The following RABGAP1L variants were observed in gnomAD, a reference collection of about 807,000 sequenced individuals.
RABGAP1L encodes RAB GTPase activating protein 1 like.
Under a neutral mutation model 137.7 loss-of-function variants are expected in RABGAP1L, and 63 were observed. That is an observed-to-expected ratio of 0.46 (90% CI 0.37 to 0.56). The LOEUF (loss-of-function observed/expected upper bound fraction) is 0.56, where lower values mean the gene tolerates loss of function less well. Among genes scored for constraint, RABGAP1L ranks in the 20% least tolerant of loss-of-function variants. The pLI, the probability that RABGAP1L is intolerant of heterozygous loss-of-function variation, is 0.00. For missense variants in RABGAP1L, 1,095 were observed against 1,244.0 expected (o/e 0.88, Z 1.80); for synonymous variants, 431 against 433.7 (o/e 0.99, Z 0.08).
intron 7 of RABGAP1L, among the ~76,000 whole-genome samples, chr1:174,267,855 C>G (rs1674202419): frequency 6.6e-6 from 1 of 152,146 alleles, no homozygotes; most frequent in Non-Finnish European, 1.5e-5. Flanking sequence ...TTAAAGGTTA[C>G]TGAAGAATCA....
intron 19 of RABGAP1L, among the ~76,000 whole-genome samples, chr1:174,912,558 T>A (rs890392422): frequency 1.3e-5 from 2 of 152,182 alleles, no homozygotes; most frequent in Non-Finnish European, 2.9e-5. Flanking sequence ...ACAAAGTGAA[T>A]CTGGTAGAGT....
chr1:174,704,278 C>G (rs1322004627), intron 17 of RABGAP1L, among the ~76,000 whole-genome samples: 1 of 152,144 alleles, frequency 6.6e-6, no homozygotes, highest in Non-Finnish European at 1.5e-5. Flanking sequence ...CAGCCAGATT[C>G]CTCTTTCTTA....
intron 17 of RABGAP1L, among the ~76,000 whole-genome samples, chr1:174,720,307 GGT>G (rs1558016540): frequency 2.5e-5 from 3 of 118,240 alleles, no homozygotes; most frequent in Non-Finnish European, 3.9e-5. Flanking sequence ...ACAGATAGTT[GGT>G]TTTTTTTTTT....
intron 14 of RABGAP1L, among the ~76,000 whole-genome samples, chr1:174,672,105 C>T (rs12127972): frequency 0.057 from 8,598 of 151,956 alleles, 327 homozygotes; most frequent in Non-Finnish European, 0.087. Flanking sequence ...TTATCTAATT[C>T]GTTGGCATAT....
At chr1:174,176,728 A>G (rs1380318062) in intron 1 of RABGAP1L, among the ~76,000 whole-genome samples, 1 of 141,016 alleles carries the variant, frequency 7.1e-6, no homozygotes, top group South Asian at 2.3e-4. Context: ...AAAAAAAAAA[A>G]AAAAAAAAAA....
chr1:174,644,456 A>C (rs1674787720), intron 14 of RABGAP1L, among the ~76,000 whole-genome samples: 1 of 152,026 alleles, frequency 6.6e-6, no homozygotes, highest in Non-Finnish European at 1.5e-5. Context: ...TGTGACGCCT[A>C]AGGGTTTGAT....
intron 17 of RABGAP1L, among the ~76,000 whole-genome samples, chr1:174,717,771 A>G (rs1351291953): frequency 6.6e-6 from 1 of 152,214 alleles, no homozygotes; most frequent in South Asian, 2.1e-4. Context: ...GAACCGCATG[A>G]TAACTTTACA....
intron 3 of RABGAP1L, among the ~76,000 whole-genome samples, chr1:174,230,834 T>C (rs1670585296): frequency 6.6e-6 from 1 of 152,176 alleles, no homozygotes; most frequent in Non-Finnish European, 1.5e-5. Context: ...CTCTATCTTT[T>C]TGAGTTTTTT....
intron 13 of RABGAP1L, among the ~76,000 whole-genome samples, chr1:174,619,785 A>G (rs187720093): frequency 1.3e-5 from 2 of 152,352 alleles, no homozygotes; most frequent in African/African-American, 4.8e-5. Flanking sequence ...ATTCACAGAT[A>G]ACAATATTAA....
intron 17 of RABGAP1L, among the ~76,000 whole-genome samples, chr1:174,750,349 C>T (rs895875453): frequency 1.2e-5 from 1 of 83,778 alleles, no homozygotes; most frequent in Non-Finnish European, 2.3e-5. Context: ...CCCTTCCTGT[C>T]GTGATCTGAA....
intron 1 of RABGAP1L, among the ~76,000 whole-genome samples, chr1:174,204,808 G>T (rs1668388857): frequency 6.6e-6 from 1 of 152,086 alleles, no homozygotes; most frequent in Non-Finnish European, 1.5e-5. Flanking sequence ...ACGAGATGTG[G>T]AGTGTAGTAC....
At chr1:174,909,294 G>C (rs536266149) in intron 19 of RABGAP1L, among the ~76,000 whole-genome samples, 9 of 152,092 alleles carry the variant, frequency 5.9e-5, no homozygotes, top group Non-Finnish European at 1.0e-4. Context: ...CATGATCTCA[G>C]CTCACTGCAA....
chr1:174,357,971 A>G (rs1437284463), intron 11 of RABGAP1L, among the ~76,000 whole-genome samples: 1 of 152,222 alleles, frequency 6.6e-6, no homozygotes, highest in African/African-American at 2.4e-5. Context: ...AAGTACTGTT[A>G]TCGTCCCCAT....
At chr1:174,310,621 T>A (rs1186714564) in intron 11 of RABGAP1L, among the ~76,000 whole-genome samples, 1 of 152,240 alleles carries the variant, frequency 6.6e-6, no homozygotes, top group African/African-American at 2.4e-5. Flanking sequence ...TACTTTGATG[T>A]TGAGTGCATA....
At chr1:174,254,373 A>G (rs1672946629) in intron 7 of RABGAP1L, among the ~76,000 whole-genome samples, 1 of 152,150 alleles carries the variant, frequency 6.6e-6, no homozygotes, top group African/African-American at 2.4e-5. Context: ...CAGAACATGC[A>G]GGTTTGTTAC....
At chr1:174,164,849 T>A (rs1023371519) in intron 1 of RABGAP1L, among the ~76,000 whole-genome samples, 1 of 152,248 alleles carries the variant, frequency 6.6e-6, no homozygotes, top group Admixed American at 6.5e-5. Flanking sequence ...CTCTTAACTT[T>A]GTAAGTGAAG....
chr1:174,479,104 G>A (rs529557450), intron 13 of RABGAP1L, among the ~76,000 whole-genome samples: 1 of 152,328 alleles, frequency 6.6e-6, no homozygotes, highest in East Asian at 1.9e-4. Context: ...AGGCTTTAAT[G>A]CAAATACCAA....
In RABGAP1L at chr1:174,343,021, G is replaced by T. The variant is rs1682114875; in HGVS notation, c.1466-27958G>T. On this transcript the variant is annotated intron_variant, in intron 11 of 25. Transcript: ENST00000681986. ...CCCAAAGTGCTGGGATTACAGGCAT[G>T]AGCCACTGCACCTAGCCAGAAATTT... 2.6e-5 allele frequency among the ~76,000 whole-genome samples: 4 copies of T among 152,236 alleles called. No homozygotes were observed. In the South Asian group the frequency reaches 6.2e-4, roughly 24 times the overall value.
chr1:174,457,644 A>G (rs896333755), intron 13 of RABGAP1L, among the ~76,000 whole-genome samples: 11 of 152,026 alleles, frequency 7.2e-5, no homozygotes, highest in Non-Finnish European at 1.3e-4. Flanking sequence ...CTGGGACTAC[A>G]GGTGTGTGCC....
Sources: allele counts gnomAD v4.1 joint callset (sites outside exome capture counted in the v4.1 genomes callset), GRCh38; gene constraint gnomAD v4.1.1; transcripts MANE v1.5; gene names NCBI Gene and HGNC (gene_info 2026-07-23, HGNC 2026-07-21).